Variants in PARP1 observed in about 807,000 individuals in gnomAD.
The protein encoded by PARP1 is poly [ADP-ribose] polymerase 1.
PARP1 carries 44 observed loss-of-function variants against 118.7 expected under a neutral mutation model. The ratio of observed to expected loss-of-function variants is 0.37; its 90% CI spans 0.29 to 0.48. The LOEUF (loss-of-function observed/expected upper bound fraction) is 0.48, where lower values mean the gene tolerates loss of function less well. Ranked by LOEUF, PARP1 falls within the 20% of genes least tolerant of loss-of-function variation. The pLI, the probability that PARP1 is intolerant of heterozygous loss-of-function variation, is 0.99. For synonymous variants in PARP1, 492 were observed against 483.2 expected (o/e 1.02, Z -0.24); for missense variants, 1,100 against 1,272.4 (o/e 0.86, Z 2.06).
intron 2 of PARP1, among the ~76,000 whole-genome samples, chr1:226,395,850 C>A (rs919284345): frequency 6.6e-6 from 1 of 152,150 alleles, no homozygotes; most frequent in African/African-American, 2.4e-5. Context: ...CTGTCTAACT[C>A]CACTTACATG....
intron 13 of PARP1, among the ~76,000 whole-genome samples, chr1:226,376,802 TTCGG>T: frequency 6.6e-6 from 1 of 152,286 alleles, no homozygotes; most frequent in East Asian, 1.9e-4. Context: ...TGCTGCTGGA[TTCGG>T]TTTGTTAGGA....
intron 8 of PARP1, 135 bp downstream of exon 8, chr1:226,382,901 A>AT: frequency 2.1e-6 from 2 of 969,162 alleles, no homozygotes; most frequent in Non-Finnish European, 3.3e-6. Flanking sequence ...CCTGCAGGGC[A>AT]AGGCTTCCCC....
At chr1:226,385,177 C>G (rs1397137405) in intron 7 of PARP1, among the ~76,000 whole-genome samples, 3 of 152,222 alleles carry the variant, frequency 2.0e-5, no homozygotes, top group African/African-American at 7.2e-5. Flanking sequence ...GCAGGAATTA[C>G]TATCCATTTC....
intron 8 of PARP1, 120 bp downstream of exon 8, chr1:226,382,916 T>A: frequency 8.8e-7 from 1 of 1,130,552 alleles, no homozygotes; most frequent in Admixed American, 1.8e-5. Context: ...TTCCCCATGG[T>A]GGGGTCAGCA....
intron 4 of PARP1, 45 bp downstream of exon 4, chr1:226,390,365 A>AC: frequency 6.4e-7 from 1 of 1,554,824 alleles, no homozygotes; most frequent in South Asian, 1.1e-5. Context: ...CCTCCCTTGA[A>AC]CCCCTCACTG....
chr1:226,386,317 G>A lies in PARP1; in HGVS notation c.834+9C>T. The A allele has an allele frequency of 6.4e-7, 1 of 1,550,704 alleles. No homozygotes were observed. The highest frequency in any genetic ancestry group is 1.1e-5 in the South Asian group (1 of 89,822). ...CATGCGTGTCCCACTTAACACAAAG[G>A]CAGCTCACCGCCGACTCCCCAGAAG... On this transcript the variant is annotated intron_variant, in intron 6 of 22. Transcript: ENST00000366794.
chr1:226,390,721 G>A, intron 3 of PARP1, 97 bp from the exon 4 acceptor site: 1 of 1,187,188 alleles, frequency 8.4e-7, no homozygotes, highest in Non-Finnish European at 1.2e-6. Flanking sequence ...GGAGCTGAGG[G>A]TCCAAGCCAA....
intron 1 of PARP1, among the ~76,000 whole-genome samples, chr1:226,406,540 T>C (rs1177452225): frequency 6.6e-6 from 1 of 152,236 alleles, no homozygotes; most frequent in Non-Finnish European, 1.5e-5. Context: ...CTCGGACTCC[T>C]AGGCACACAA....
Position 226,407,647 on chromosome 1 carries a change from G to A in PARP1, c.120+163C>T, listed in dbSNP as rs565988452. Among the ~76,000 whole-genome samples, 200 of 152,086 alleles carry A rather than the reference G, an allele frequency of 1.3e-3. 1 individual carries two copies. The highest frequency in any genetic ancestry group is 4.7e-3 in the African/African-American group (196 of 41,510). ...GCAAAACCTTCCGGAAGGGTCGGCC[G>A]GGCCGCTCGGGAGGAGGGGCGGCCG... On this transcript the variant is annotated intron_variant, in intron 1 of 22. Coordinates refer to ENST00000366794, the MANE Select transcript of PARP1 (RefSeq NM_001618.4).
Position 226,365,121 on chromosome 1 carries a change from G to A in PARP1, c.2539C>T (p.Arg847Cys), listed in dbSNP as rs750773674. The change falls in exon 19 of 23, where the codon CGT (arginine) becomes TGT (cysteine). Residue 847 changes from arginine to cysteine, a missense_variant. Physicochemically the swap from Arg to Cys is radical, Grantham distance 180 (BLOSUM62 -3). This residue lies in a region of PARP1 where 152 missense variants were observed against 240.6 expected (regional missense o/e 0.63). Coordinates refer to ENST00000366794, the MANE Select transcript of PARP1 (RefSeq NM_001618.4). Reference sequence around the variant, plus strand: ...TGAAGCTGCTTAAAGGGCTTGTAACGCTGGCATTCGCCTTCACGCTCTATC... The same window carrying A: ...TGAAGCTGCTTAAAGGGCTTGTAACACTGGCATTCGCCTTCACGCTCTATC... The part of the protein sequence containing the change: ...FKIEREGECQ[R>C]YKPFKQLHNR... 8 of 1,614,074 alleles carry A rather than the reference G, an allele frequency of 5.0e-6. No homozygotes were observed. The highest frequency in any genetic ancestry group is 1.7e-5 in the Admixed American group (1 of 60,012).
At chr1:226,369,762 C>T (rs981145056) in intron 15 of PARP1, among the ~76,000 whole-genome samples, 2 of 151,976 alleles carry the variant, frequency 1.3e-5, no homozygotes, top group African/African-American at 4.8e-5. Context: ...TGAGACCAGT[C>T]TGGCCAACAT....
intron 2 of PARP1, among the ~76,000 whole-genome samples, chr1:226,398,121 A>AAAC (rs57339096): frequency 0.84 from 126,877 of 151,914 alleles, 53,515 homozygotes; most frequent in East Asian, 0.94. Flanking sequence ...GACTTTTTAC[A>AAAC]AACACCAAAA....
intron 1 of PARP1, among the ~76,000 whole-genome samples, chr1:226,405,812 C>G (rs759553967): frequency 3.2e-4 from 48 of 152,148 alleles, no homozygotes; most frequent in African/African-American, 6.5e-4. Flanking sequence ...TTTAAAAATG[C>G]GTAATAAAAA....
In PARP1 at chr1:226,385,662, C is replaced by T. The variant is rs1664702142; in HGVS notation, c.853G>A (p.Asp285Asn). The T allele has an allele frequency of 3.7e-6, 6 of 1,614,166 alleles. No homozygotes were observed. Among genetic ancestry groups the T allele is most frequent in the Non-Finnish European group, 5.1e-6 (6 of 1,180,014 alleles). The change falls in exon 7 of 23, where the codon GAT (aspartate) becomes AAT (asparagine). Residue 285 changes from aspartate to asparagine, a missense_variant. Coordinates refer to ENST00000366794, the MANE Select transcript of PARP1 (RefSeq NM_001618.4). ...AGGAGGGCACCGAACACCATGCCAT[C>T]AGCTACTCGGTCCAAGATCTGCAGC... Reference protein sequence around the residue: ...GESAILDRVADGMVFGALLPC... With the variant: ...GESAILDRVANGMVFGALLPC...
chr1:226,380,101 G>T lies in PARP1; in HGVS notation c.1364C>A (p.Ser455Tyr), dbSNP rs1306743122. 6.2e-7 allele frequency: 1 copy of T among 1,614,156 alleles called. No homozygotes were observed. Among genetic ancestry groups the T allele is most frequent in the Admixed American group, 1.7e-5 (1 of 60,030 alleles). Residue 455 changes from serine (S) to tyrosine (Y), a missense_variant, in exon 10 of 23, where the codon TCT (serine) becomes TAT (tyrosine). By Grantham distance (144) the Ser-to-Tyr change is moderately radical. Transcript: ENST00000366794. ...EVKEANIRVV[S>Y]EDFLQDVSAS... ...GGAGACGTCCTGGAGGAAGTCCTCAGACACAACTCGGATGTTGGCTTCCTT... is the reference window on the plus strand; with the variant it reads ...GGAGACGTCCTGGAGGAAGTCCTCATACACAACTCGGATGTTGGCTTCCTT...
chr1:226,368,374 C>G (rs1313339209), intron 15 of PARP1, 53 bp from the exon 16 acceptor site: 2 of 1,612,890 alleles, frequency 1.2e-6, no homozygotes, highest in Non-Finnish European at 8.5e-7. Flanking sequence ...GCTCCAAGCC[C>G]CCGGCCAGGC....
chr1:226,361,980 TAG>T lies in PARP1; in HGVS notation c.2950_2951del (p.Leu984ThrfsTer3). 1 of 1,574,474 alleles carries T rather than the reference TAG, an allele frequency of 6.4e-7. No homozygotes were observed. ...TCAAGAAAGGATACTCGTTATATAG[TAG>T]AGAGGTGTCATTCACACCAGATGAA... The part of the protein sequence containing the change: ...GISSGVNDTS[L>X]LYNEYIVYDI... On this transcript the variant is annotated frameshift_variant, in exon 22 of 23. Transcript: ENST00000366794. LOFTEE classifies it high-confidence loss of function.
intron 19 of PARP1, 42 bp from the exon 20 acceptor site, chr1:226,364,112 G>T (rs1468345654): frequency 1.2e-6 from 2 of 1,608,978 alleles, no homozygotes. Flanking sequence ...CTTCTGATGG[G>T]AAATTAGGAG....
At chr1:226,394,473 C>T (rs1243366168) in intron 2 of PARP1, among the ~76,000 whole-genome samples, 4 of 152,210 alleles carry the variant, frequency 2.6e-5, no homozygotes, top group African/African-American at 7.2e-5. Context: ...TTGGCACATA[C>T]ATAGAAAGCC....
Sources: allele counts gnomAD v4.1 joint callset (sites outside exome capture counted in the v4.1 genomes callset), GRCh38; gene constraint gnomAD v4.1.1; regional missense constraint gnomAD v4.1.1; transcripts MANE v1.5; gene names NCBI Gene and HGNC (gene_info 2026-07-23, HGNC 2026-07-21).